Variants in PELI1 observed in about 807,000 individuals in gnomAD.
The protein encoded by PELI1 is E3 ubiquitin-protein ligase pellino homolog 1.
A neutral mutation model predicts 41.3 loss-of-function variants in PELI1; 15 were observed. The observed-to-expected ratio is 0.36, with a 90% CI of 0.24 to 0.56. The LOEUF is 0.56. Ranked by LOEUF, PELI1 falls within the 20% of genes least tolerant of loss-of-function variation. The pLI, the probability that PELI1 is intolerant of heterozygous loss-of-function variation, is 0.82. For synonymous variants in PELI1, 178 were observed against 180.1 expected (o/e 0.99, Z 0.09); for missense variants, 403 against 525.5 (o/e 0.77, Z 2.28).
intron 3 of PELI1, among the ~76,000 whole-genome samples, chr2:64,104,171 G>A (rs1181993185): frequency 6.6e-6 from 1 of 152,150 alleles, no homozygotes; most frequent in African/African-American, 2.4e-5. Context: ...AATTATTGAG[G>A]TCTACTTTGT....
chr2:64,109,228 G>A (rs928172785), intron 1 of PELI1, among the ~76,000 whole-genome samples: 1 of 152,134 alleles, frequency 6.6e-6, no homozygotes, highest in Non-Finnish European at 1.5e-5. Context: ...TGTCCACCTG[G>A]CAGTAATGAG....
chr2:64,112,504 G>A (rs1030720058), intron 1 of PELI1, among the ~76,000 whole-genome samples: 1 of 152,080 alleles, frequency 6.6e-6, no homozygotes, highest in South Asian at 2.1e-4. Flanking sequence ...ATAATTTCTA[G>A]AGCCCTTGGT....
At chr2:64,105,871 A>G (rs1680602018) in intron 2 of PELI1, among the ~76,000 whole-genome samples, 1 of 152,016 alleles carries the variant, frequency 6.6e-6, no homozygotes, top group African/African-American at 2.4e-5. Context: ...GGGGGAAAGG[A>G]AGCAGGGAAC....
intron 6 of PELI1, among the ~76,000 whole-genome samples, chr2:64,095,805 G>T (rs1378805357): frequency 6.6e-6 from 1 of 152,096 alleles, no homozygotes; most frequent in Non-Finnish European, 1.5e-5. Flanking sequence ...CACCATGCCT[G>T]GCTTATTTTG....
chr2:64,129,249 AG>A (rs1681480190), intron 1 of PELI1, among the ~76,000 whole-genome samples: 2 of 152,186 alleles, frequency 1.3e-5, no homozygotes, highest in East Asian at 3.8e-4. Flanking sequence ...GTGTGGGTGG[AG>A]GAAAGAAACC....
intron 1 of PELI1, among the ~76,000 whole-genome samples, chr2:64,118,765 T>C (rs1681104239): frequency 1.3e-5 from 2 of 152,160 alleles, no homozygotes; most frequent in African/African-American, 4.8e-5. Context: ...ATTTAAATAT[T>C]AAATTGTAGT....
At chr2:64,136,917 C>T (rs1458673506) in intron 1 of PELI1, among the ~76,000 whole-genome samples, 1 of 152,092 alleles carries the variant, frequency 6.6e-6, no homozygotes, top group Non-Finnish European at 1.5e-5. Context: ...CAAAACAAAA[C>T]AAATGAAAAC....
At chr2:64,126,090 T>C (rs1244079334) in intron 1 of PELI1, among the ~76,000 whole-genome samples, 1 of 152,232 alleles carries the variant, frequency 6.6e-6, no homozygotes, top group Non-Finnish European at 1.5e-5. Flanking sequence ...ATTTCTTCTA[T>C]TAATAACCAT....
chr2:64,120,924 C>A (rs1681187610), intron 1 of PELI1, among the ~76,000 whole-genome samples: 1 of 152,160 alleles, frequency 6.6e-6, no homozygotes. Context: ...TATAATAGTA[C>A]CTAGTAACTT....
chr2:64,118,647 G>C (rs1576088832), intron 1 of PELI1, among the ~76,000 whole-genome samples: 1 of 152,048 alleles, frequency 6.6e-6, no homozygotes, highest in Non-Finnish European at 1.5e-5. Context: ...CATATCAGAG[G>C]AAGAACAAAC....
intron 1 of PELI1, among the ~76,000 whole-genome samples, chr2:64,113,817 A>G (rs997787162): frequency 1.3e-5 from 2 of 152,290 alleles, no homozygotes; most frequent in African/African-American, 4.8e-5. Context: ...TTCCCAAAGG[A>G]AAGACTTTGT....
At chr2:64,105,762 TTAA>T (rs1680598390) in intron 2 of PELI1, among the ~76,000 whole-genome samples, 1 of 152,218 alleles carries the variant, frequency 6.6e-6, no homozygotes, top group African/African-American at 2.4e-5. Context: ...GAGCAGTAGC[TTAA>T]TAATAATCTT....
At chr2:64,117,568 G>T (rs1306734257) in intron 1 of PELI1, among the ~76,000 whole-genome samples, 1 of 152,002 alleles carries the variant, frequency 6.6e-6, no homozygotes, top group Non-Finnish European at 1.5e-5. Flanking sequence ...TCCATTATAA[G>T]CTCCATTCAA....
chr2:64,094,888 G>A lies in PELI1; in HGVS notation c.1071C>T (p.Ala357=), dbSNP rs190570686. 1.2e-5 allele frequency: 19 copies of A among 1,614,110 alleles called. No individual in the cohort carries two copies. The highest frequency in any genetic ancestry group is 9.3e-5 in the African/African-American group (7 of 74,986). Residue 357 remains alanine (A), a synonymous_variant, in exon 7 of 7, where the codon GCC becomes GCT. Transcript: ENST00000358912. ...GGCTAAACGCATGGGTTGGAGGGCC[G>A]GCGTCCACATAAAATCCAGCTTCAC... The part of the protein sequence containing the change: ...LGCEAGFYVD[A]GPPTHAFSPC...
intron 1 of PELI1, among the ~76,000 whole-genome samples, chr2:64,121,865 A>AGGCG (rs1216119511): frequency 6.6e-6 from 1 of 151,538 alleles, no homozygotes; most frequent in African/African-American, 2.4e-5. Flanking sequence ...AGATCACGCC[A>AGGCG]TGGCACTCCA....
In PELI1 at chr2:64,126,694, G is replaced by A. The variant is rs193072022; in HGVS notation, c.-70+17387C>T. The stretch of plus-strand genomic sequence containing the variant: ...ATTAATGCAAAAGACCATAAATACC[G>A]TAAGACTTCAAAGAAAAGTGTTATT... On this transcript the variant is annotated intron_variant, in intron 1 of 6. Transcript: ENST00000358912. 1.1e-4 allele frequency among the ~76,000 whole-genome samples: 17 copies of A among 152,108 alleles called. No individual in the cohort carries two copies. In the East Asian group the frequency reaches 2.9e-3, roughly 26 times the overall value.
At chr2:64,110,337 G>A (rs990141417) in intron 1 of PELI1, among the ~76,000 whole-genome samples, 3 of 151,858 alleles carry the variant, frequency 2.0e-5, no homozygotes, top group Non-Finnish European at 4.4e-5. Context: ...GACTGACAGT[G>A]GAGTTCTCAT....
chr2:64,096,143 A>G lies in PELI1; in HGVS notation c.672T>C (p.Ala224=). 2 of 1,613,464 alleles carry G rather than the reference A, an allele frequency of 1.2e-6. No individual in the cohort carries two copies. Among genetic ancestry groups the G allele is most frequent in the Non-Finnish European group, 1.7e-6 (2 of 1,179,550 alleles). The part of the protein sequence containing the change: ...NVFSLRETRS[A]QQRGKMVEIE... Reference sequence around the variant, plus strand: ...TATTTACCATTTTTCCTCTCTGCTGAGCCGATCTGGTTTCACGTAGGCTAA... The same window carrying G: ...TATTTACCATTTTTCCTCTCTGCTGGGCCGATCTGGTTTCACGTAGGCTAA... Residue 224 remains alanine (A), a synonymous_variant, in exon 6 of 7, where the codon GCT becomes GCC. Transcript: ENST00000358912.
intron 1 of PELI1, among the ~76,000 whole-genome samples, chr2:64,130,127 T>C (rs1238683126): frequency 6.6e-6 from 1 of 152,166 alleles, no homozygotes; most frequent in Admixed American, 6.5e-5. Context: ...TTCCCAACTT[T>C]TCCCCCCAAT....
Sources: gnomAD v4.1 joint callset for allele counts (sites outside exome capture counted in the v4.1 genomes callset) on GRCh38, gnomAD v4.1.1 for gene constraint, MANE v1.5 for transcripts, NCBI Gene and HGNC (gene_info 2026-07-23, HGNC 2026-07-21) for gene names.